Variants in SHROOM2 observed in about 807,000 individuals in gnomAD.
The protein encoded by SHROOM2 is protein Shroom2.
Under a neutral mutation model 75.9 loss-of-function variants are expected in SHROOM2, and 33 were observed. That is an observed-to-expected ratio of 0.43 (90% CI 0.33 to 0.58). SHROOM2 has a LOEUF of 0.58. Among genes scored for constraint, SHROOM2 ranks in the 20% least tolerant of loss-of-function variants. SHROOM2 has a pLI of 0.04. For missense variants in SHROOM2, 1,434 were observed against 1,461.2 expected (o/e 0.98, Z 0.30); for synonymous variants, 655 against 663.6 (o/e 0.99, Z 0.20).
Position 9,815,677 on chromosome X carries a change from G to A in SHROOM2, c.165+28967G>A, listed in dbSNP as rs191327139. 5.5e-5 allele frequency among the ~76,000 whole-genome samples: 6 copies of A among 109,540 alleles called. No individual in the cohort carries two copies. In the East Asian group the frequency reaches 1.7e-3, roughly 31 times the overall value. ...CAGTAGGCCATCTGCAAGCTGAGGAGCAAGGAGAGCTGGTCCGAGTCCCAA... is the reference window on the plus strand; with the variant it reads ...CAGTAGGCCATCTGCAAGCTGAGGAACAAGGAGAGCTGGTCCGAGTCCCAA... On this transcript the variant is annotated intron_variant, in intron 1 of 9. Transcript: ENST00000380913.
At chrX:9,880,555 C>T (rs951935170) in intron 2 of SHROOM2, among the ~76,000 whole-genome samples, 2 of 112,655 alleles carry the variant, frequency 1.8e-5, no homozygotes, top group South Asian at 3.6e-4. Context: ...GTCATAAAGG[C>T]GGAGTAAATG....
chrX:9,801,980 A>T (rs867192803), intron 1 of SHROOM2, among the ~76,000 whole-genome samples: 45 of 111,937 alleles, frequency 4.0e-4, no homozygotes, highest in Middle Eastern at 4.6e-3. Flanking sequence ...AATTAAAAAT[A>T]AAAATAAAAT....
chrX:9,946,663 G>A lies in SHROOM2; in HGVS notation c.4585-8G>A, dbSNP rs190645035. The A allele has an allele frequency of 2.1e-4, 257 of 1,201,903 alleles. No individual in the cohort carries two copies. In the African/African-American group the frequency reaches 3.6e-3, roughly 17 times the overall value. ...TGGTCCTCAACAGGCTTGTTTGTCT[G>A]TCAACAGCAATCACTGCTTGAGAAG... On this transcript the variant is annotated splice_polypyrimidine_tract_variant and splice_region_variant and intron_variant, in intron 9 of 9. Transcript: ENST00000380913.
At chrX:9,918,717 G>A (rs749707198) in intron 5 of SHROOM2, among the ~76,000 whole-genome samples, 34 of 111,152 alleles carry the variant, frequency 3.1e-4, no homozygotes, top group Non-Finnish European at 6.0e-4. Context: ...CTCAAACTCC[G>A]GGCCTCAAGC....
At chrX:9,796,582 A>G (rs1190143901) in intron 1 of SHROOM2, among the ~76,000 whole-genome samples, 9 of 111,660 alleles carry the variant, frequency 8.1e-5, no homozygotes, top group African/African-American at 2.9e-4. Context: ...TCTTATTTTT[A>G]TAATATTAAT....
chrX:9,947,284 G>A lies in SHROOM2; in HGVS notation c.*347G>A, dbSNP rs1356900613. ...CCCGTTGTTCCTCCCGTCTTCAGATGCTGAGCCAACTGCTTGGACAGCAGC... is the reference window on the plus strand; with the variant it reads ...CCCGTTGTTCCTCCCGTCTTCAGATACTGAGCCAACTGCTTGGACAGCAGC... On this transcript the variant is annotated 3_prime_UTR_variant, in exon 10 of 10. Transcript: ENST00000380913. 2 of 231,411 alleles carry A rather than the reference G, an allele frequency of 8.6e-6. No individual in the cohort carries two copies. Among genetic ancestry groups the A allele is most frequent in the Non-Finnish European group, 1.5e-5 (2 of 131,208 alleles). 19.1% of individuals were successfully genotyped at this position (231,411 alleles called of 1,213,427 possible).
chrX:9,803,646 G>A (rs1012436056), intron 1 of SHROOM2, among the ~76,000 whole-genome samples: 2 of 112,087 alleles, frequency 1.8e-5, no homozygotes, highest in African/African-American at 6.5e-5. Context: ...TCCTGGGAAG[G>A]TGGTTTTGAT....
At chrX:9,838,586 G>A (rs1002097083) in intron 1 of SHROOM2, among the ~76,000 whole-genome samples, 11 of 111,841 alleles carry the variant, frequency 9.8e-5, no homozygotes, top group South Asian at 3.8e-4. Flanking sequence ...ATAGTATGTC[G>A]TATAGCCTTT....
chrX:9,941,634 T>TA (rs981487962), intron 8 of SHROOM2, among the ~76,000 whole-genome samples: 5 of 111,738 alleles, frequency 4.5e-5, no homozygotes, highest in East Asian at 2.8e-4. Context: ...TGCACCAGTA[T>TA]AAAATCTACA....
chrX:9,863,435 A>G lies in SHROOM2; in HGVS notation c.166-10217A>G, dbSNP rs1345463211. On this transcript the variant is annotated intron_variant, in intron 1 of 9. Coordinates refer to ENST00000380913, the MANE Select transcript of SHROOM2 (RefSeq NM_001649.4). Reference sequence around the variant, plus strand: ...GCAGCCACGTCCTCGTCCTCTCCTCATGCCTCATCCTCGCGCCTCTCCTTG... The same window carrying G: ...GCAGCCACGTCCTCGTCCTCTCCTCGTGCCTCATCCTCGCGCCTCTCCTTG... Among the ~76,000 whole-genome samples, 5 of 109,777 alleles carry G rather than the reference A, an allele frequency of 4.6e-5. No homozygotes were observed. The Admixed American group carries it at 4.9e-4, about 11-fold the overall frequency.
intron 2 of SHROOM2, among the ~76,000 whole-genome samples, chrX:9,883,016 G>T (rs1251690768): frequency 8.9e-6 from 1 of 112,447 alleles, no homozygotes; most frequent in Non-Finnish European, 1.9e-5. Flanking sequence ...AGTGCCTTTA[G>T]GGGGCGACTT....
Position 9,786,625 on chromosome X carries a change from TG to T in SHROOM2, c.82del (p.Glu28ArgfsTer4). On this transcript the variant is annotated frameshift_variant, in exon 1 of 10. Transcript: ENST00000380913. LOFTEE classifies it high-confidence loss of function. Reference protein sequence around the residue: ...ETRAADGGRLVEVQLSGGAPW... With the variant: ...ETRAADGGRLXEVQLSGGAPW... The stretch of plus-strand genomic sequence containing the variant: ...CGGGCGGCGGACGGCGGGCGCCTGG[TG>T]GAGGTGCAGCTGAGCGGCGGCGCCC... The T allele has an allele frequency of 1.1e-6, 1 of 881,654 alleles. No homozygotes were observed. The highest frequency in any genetic ancestry group is 6.5e-5 in the Admixed American group (1 of 15,363). The allele number at this position is 881,654 out of a possible 1,213,427, so 72.7% of individuals were successfully genotyped here. A position where few individuals can be genotyped will look rare whatever the true frequency, so the allele number is the denominator to read the frequency against.
At chrX:9,818,713 A>G in intron 1 of SHROOM2, 1 of 441,343 alleles carries the variant, frequency 2.3e-6, no homozygotes. Context: ...TTTAACATCC[A>G]GTCCTTCTGC....
chrX:9,919,413 C>G, intron 5 of SHROOM2, among the ~76,000 whole-genome samples: 1 of 92,717 alleles, frequency 1.1e-5, no homozygotes, highest in Non-Finnish European at 2.0e-5. Flanking sequence ...CTCACTGCAA[C>G]CTCTGCCTCC....
chrX:9,896,173 A>G lies in SHROOM2; in HGVS notation c.2265A>G (p.Thr755=), dbSNP rs926620926. The G allele has an allele frequency of 8.3e-7, 1 of 1,210,467 alleles. No homozygotes were observed. The highest frequency in any genetic ancestry group is 1.1e-6 in the Non-Finnish European group (1 of 895,071). ...PPRIGGRRRF[T]AEQKLKSYSE... ...GCATCGGAGGCCGGAGACGGTTCAC[A>G]GCTGAGCAGAAATTGAAGTCCTACT... Residue 755 remains threonine, a synonymous_variant, in exon 4 of 10, where the codon ACA becomes ACG. Coordinates refer to ENST00000380913, the MANE Select transcript of SHROOM2 (RefSeq NM_001649.4).
rs35234850 is a variant in SHROOM2 at position 9,856,024 on chromosome X, CT to C, written c.166-17608del. Among the ~76,000 whole-genome samples the C allele has an allele frequency of 8.7e-3, 729 of 84,242 alleles. 9 individuals carry two copies. The highest frequency in any genetic ancestry group is 0.028 in the African/African-American group (633 of 22,867). 73.2% of individuals were successfully genotyped at this position (84,242 alleles called of 115,157 possible). ...TTTTTTAAAGACTTAAGAATGTTTC[CT>C]TTTTTTTTTTTTTTTTTTTAAAGCA... On this transcript the variant is annotated intron_variant, in intron 1 of 9. Coordinates refer to ENST00000380913, the MANE Select transcript of SHROOM2 (RefSeq NM_001649.4).
chrX:9,813,120 G>A (rs1395736046), intron 1 of SHROOM2, among the ~76,000 whole-genome samples: 1 of 112,059 alleles, frequency 8.9e-6, no homozygotes, highest in Non-Finnish European at 1.9e-5. Context: ...CTGGGGATGT[G>A]ACATTGTTTT....
chrX:9,810,608 G>A (rs2083786873), intron 1 of SHROOM2, among the ~76,000 whole-genome samples: 2 of 110,598 alleles, frequency 1.8e-5, no homozygotes. Context: ...CCCTAGGCCA[G>A]CAGAACGTAA....
intron 1 of SHROOM2, among the ~76,000 whole-genome samples, chrX:9,793,922 T>C (rs1479610322): frequency 9.1e-6 from 1 of 110,460 alleles, no homozygotes; most frequent in Non-Finnish European, 1.9e-5. Flanking sequence ...TTTTTGTATT[T>C]TTTGTAGAGA....
Sources: allele counts gnomAD v4.1 joint callset (sites outside exome capture counted in the v4.1 genomes callset), GRCh38; gene constraint gnomAD v4.1.1; transcripts MANE v1.5; gene names NCBI Gene and HGNC (gene_info 2026-07-23, HGNC 2026-07-21).